Variants in NCAM1 observed in about 807,000 individuals in gnomAD.
The protein encoded by NCAM1 is neural cell adhesion molecule 1, also known as antigen recognized by monoclonal antibody 5.1H11.
A neutral mutation model predicts 109.8 loss-of-function variants in NCAM1; 14 were observed. The observed-to-expected ratio is 0.13, with a 90% CI of 0.08 to 0.20. The LOEUF (loss-of-function observed/expected upper bound fraction) is 0.20, where lower values mean the gene tolerates loss of function less well. Among genes scored for constraint, NCAM1 ranks in the 10% least tolerant of loss-of-function variants. The pLI is 1.00. For synonymous variants in NCAM1, 418 were observed against 442.9 expected (o/e 0.94, Z 0.70); for missense variants, 774 against 1,109.9 (o/e 0.70, Z 4.30).
At chr11:113,246,971 G>C (rs1453575896) in intron 15 of NCAM1, among the ~76,000 whole-genome samples, 1 of 152,162 alleles carries the variant, frequency 6.6e-6, no homozygotes, top group Non-Finnish European at 1.5e-5. Context: ...TTTTAAGAGT[G>C]GCCCTCCCCC....
intron 1 of NCAM1, among the ~76,000 whole-genome samples, chr11:113,022,279 C>T (rs1244504138): frequency 6.6e-6 from 1 of 152,166 alleles, no homozygotes; most frequent in Non-Finnish European, 1.5e-5. Flanking sequence ...AAATGTTTTG[C>T]TTGTTTATGA....
chr11:113,276,049 C>T lies in NCAM1; in HGVS notation c.*662C>T, dbSNP rs1379356355. ...ATCTCAATTTGCAGTATTCAGACTT[C>T]TTTTTCTTTCTTTTACATTCTTTTT... On this transcript the variant is annotated 3_prime_UTR_variant, in exon 20 of 20. Transcript: ENST00000316851. 1 of 151,310 alleles carries T rather than the reference C, an allele frequency of 6.6e-6. No individual in the cohort carries two copies. Among genetic ancestry groups the T allele is most frequent in the African/African-American group, 2.4e-5 (1 of 40,876 alleles). 9.4% of individuals were successfully genotyped at this position (151,310 alleles called of 1,614,324 possible).
At chr11:113,200,189 A>C (rs1225225332) in intron 1 of NCAM1, among the ~76,000 whole-genome samples, 2 of 152,190 alleles carry the variant, frequency 1.3e-5, no homozygotes, top group African/African-American at 4.8e-5. Context: ...CTCATTCTTT[A>C]AGGAATGCTC....
chr11:113,121,056 G>A (rs1212731261), intron 1 of NCAM1, among the ~76,000 whole-genome samples: 3 of 152,052 alleles, frequency 2.0e-5, no homozygotes, highest in East Asian at 1.9e-4. Flanking sequence ...GCGATTGAAG[G>A]CAATTGTGTC....
rs538863125 is a variant in NCAM1, at chr11:113,193,958, C to T, written c.53-8421C>T. Among the ~76,000 whole-genome samples the T allele has an allele frequency of 5.3e-5, 8 of 152,242 alleles. 1 individual carries two copies. The South Asian group carries it at 1.2e-3, about 24-fold the overall frequency. ...CTCACTTCTTTCTATAAAACTAAAT[C>T]GGACCTAATGAAATGCTAATTTGAC... On this transcript the variant is annotated intron_variant, in intron 1 of 19. Coordinates refer to ENST00000316851, the MANE Select transcript of NCAM1 (RefSeq NM_181351.5).
chr11:113,212,642 AT>A (rs1164525497), intron 7 of NCAM1, among the ~76,000 whole-genome samples: 2 of 152,168 alleles, frequency 1.3e-5, no homozygotes, highest in African/African-American at 4.8e-5. Flanking sequence ...GTATGGCCAC[AT>A]TTTTTTTAAA....
At chr11:113,262,832 C>T (rs1555123634) in intron 17 of NCAM1, 2 of 1,613,544 alleles carry the variant, frequency 1.2e-6, no homozygotes, top group African/African-American at 1.3e-5. Context: ...GGACCCATTG[C>T]TTGACACCTG....
At chr11:113,076,834 T>C (rs1938549163) in intron 1 of NCAM1, among the ~76,000 whole-genome samples, 1 of 152,232 alleles carries the variant, frequency 6.6e-6, no homozygotes, top group South Asian at 2.1e-4. Context: ...TTGCATTTAA[T>C]ACTCTTGATT....
intron 8 of NCAM1, among the ~76,000 whole-genome samples, chr11:113,215,570 C>T (rs1212084243): frequency 6.6e-6 from 1 of 152,194 alleles, no homozygotes; most frequent in African/African-American, 2.4e-5. Flanking sequence ...TTGGGATTTG[C>T]ATTTGAGGAG....
chr11:113,179,182 G>GGA (rs1451461538), intron 1 of NCAM1, among the ~76,000 whole-genome samples: 4 of 152,202 alleles, frequency 2.6e-5, no homozygotes, highest in Admixed American at 1.3e-4. Context: ...CCACTGGGCA[G>GGA]GAGAGAGAGA....
At chr11:113,162,883 A>G (rs1555104669) in intron 1 of NCAM1, among the ~76,000 whole-genome samples, 1 of 152,186 alleles carries the variant, frequency 6.6e-6, no homozygotes, top group African/African-American at 2.4e-5. Flanking sequence ...TTCGAAATGG[A>G]CGTTCAGTTC....
chr11:113,043,829 C>G (rs1437924184), intron 1 of NCAM1, among the ~76,000 whole-genome samples: 1 of 152,168 alleles, frequency 6.6e-6, no homozygotes, highest in Non-Finnish European at 1.5e-5. Context: ...GCAGGGCCCC[C>G]GCCTGACACA....
intron 1 of NCAM1, among the ~76,000 whole-genome samples, chr11:113,078,724 A>C (rs1319222888): frequency 6.6e-6 from 1 of 152,108 alleles, no homozygotes. Flanking sequence ...TTTGACCCCA[A>C]AGGCTATGCG....
intron 13 of NCAM1, among the ~76,000 whole-genome samples, chr11:113,234,818 G>A (rs1945114976): frequency 6.6e-6 from 1 of 152,180 alleles, no homozygotes; most frequent in Non-Finnish European, 1.5e-5. Flanking sequence ...CTGCCTTTCG[G>A]CTATTGTGAA....
rs781994961 is a variant in NCAM1 at position 112,961,582 on chromosome 11, C to G, written c.-31C>G. ...GGGGGGGGCACAGAATTTACCGCGG[C>G]AAGAACATCCCTCCCAGCCAGCAGA... On this transcript the variant is annotated 5_prime_UTR_variant, in exon 1 of 20. Transcript: ENST00000316851. 1 of 1,392,454 alleles carries G rather than the reference C, an allele frequency of 7.2e-7. No individual in the cohort carries two copies. Among genetic ancestry groups the G allele is most frequent in the Non-Finnish European group, 1.0e-6 (1 of 980,112 alleles). The allele number at this position is 1,392,454 out of a possible 1,614,324, so 86.3% of individuals were successfully genotyped here. A position where few individuals can be genotyped will look rare whatever the true frequency, so the allele number is the denominator to read the frequency against.
intron 1 of NCAM1, among the ~76,000 whole-genome samples, chr11:113,084,528 T>G (rs1938991529): frequency 6.6e-6 from 1 of 152,202 alleles, no homozygotes; most frequent in African/African-American, 2.4e-5. Flanking sequence ...ATAGTTTGAT[T>G]GGCAGTGTTT....
rs1951238908 is a variant in NCAM1, at chr11:112,984,418, T to A, written c.52+22754T>A. ...TTTGGGTACATATCCAGAAGAGGGA[T>A]TTTTTCTGGGTCATATAGTAGTTCT... On this transcript the variant is annotated intron_variant, in intron 1 of 19. Transcript: ENST00000316851. Among the ~76,000 whole-genome samples the A allele has an allele frequency of 2.0e-5, 3 of 151,720 alleles. No homozygotes were observed. In the South Asian group the frequency reaches 6.2e-4, roughly 32 times the overall value.
rs797041213 is a variant in NCAM1, at chr11:112,996,748, A to G, written c.52+35084A>G. ...TTTATCATTTGTCTTTACTGATGGAATGGGAGAGCCCCTAGTTTGCTACTT... is the reference window on the plus strand; with the variant it reads ...TTTATCATTTGTCTTTACTGATGGAGTGGGAGAGCCCCTAGTTTGCTACTT... On this transcript the variant is annotated intron_variant, in intron 1 of 19. Coordinates refer to ENST00000316851, the MANE Select transcript of NCAM1 (RefSeq NM_181351.5). 3.9e-5 allele frequency among the ~76,000 whole-genome samples: 6 copies of G among 152,146 alleles called. No homozygotes were observed. The South Asian group carries it at 1.2e-3, about 32-fold the overall frequency.
At chr11:113,195,895 T>G (rs1256155598) in intron 1 of NCAM1, among the ~76,000 whole-genome samples, 1 of 139,098 alleles carries the variant, frequency 7.2e-6, no homozygotes, top group Non-Finnish European at 1.5e-5. Flanking sequence ...CATTGGGAAT[T>G]TTGTTTGTTT....
Sources: allele counts gnomAD v4.1 joint callset (sites outside exome capture counted in the v4.1 genomes callset), GRCh38; gene constraint gnomAD v4.1.1; transcripts MANE v1.5; gene names NCBI Gene and HGNC (gene_info 2026-07-23, HGNC 2026-07-21).